Variants in MAML3 observed in about 807,000 individuals in gnomAD.
MAML3 encodes mastermind like transcriptional coactivator 3.
In MAML3, 27 loss-of-function variants were observed where a neutral mutation model predicts 101.9. The ratio of observed to expected loss-of-function variants is 0.27; its 90% confidence interval spans 0.20 to 0.37. The LOEUF is 0.37. Ranked by LOEUF, MAML3 falls within the 10% of genes least tolerant of loss-of-function variation. The probability of loss-of-function intolerance (pLI) is 1.00; values close to 1 mark genes in which losing one functional copy is unlikely to be tolerated. For synonymous variants in MAML3, 501 were observed against 555.9 expected (o/e 0.90, Z 1.39); for missense variants, 1,316 against 1,444.9 (o/e 0.91, Z 1.45).
rs553231876 is a variant in MAML3, at chr4:139,764,025, G to T, written c.2080-33358C>A. Among the ~76,000 whole-genome samples, 6 of 152,338 alleles carry T rather than the reference G, an allele frequency of 3.9e-5. No homozygotes were observed. In the East Asian group the frequency reaches 1.2e-3, roughly 29 times the overall value. On this transcript the variant is annotated intron_variant, in intron 2 of 4. Coordinates refer to ENST00000509479, the MANE Select transcript of MAML3 (RefSeq NM_018717.5). ...TAGGCTCTGAGATTCCAAAAAGTGT[G>T]TCAGAAGCTATGCCAAGTGAAAGTC...
intron 2 of MAML3, among the ~76,000 whole-genome samples, chr4:139,753,245 C>T (rs748756789): frequency 5.3e-5 from 8 of 152,080 alleles, no homozygotes; most frequent in African/African-American, 1.2e-4. Context: ...GTTGTGTGAT[C>T]GATACCATGA....
intron 1 of MAML3, among the ~76,000 whole-genome samples, chr4:139,917,645 T>C (rs1733050612): frequency 6.6e-6 from 1 of 152,144 alleles, no homozygotes; most frequent in African/African-American, 2.4e-5. Flanking sequence ...GGAGAAAGAA[T>C]TCAGCCTCTA....
chr4:139,834,632 C>A (rs1197522413), intron 2 of MAML3, among the ~76,000 whole-genome samples: 1 of 152,164 alleles, frequency 6.6e-6, no homozygotes, highest in Non-Finnish European at 1.5e-5. Context: ...CTGGAGAATA[C>A]CCTCCCTCAC....
At chr4:139,830,831 T>C (rs1309827141) in intron 2 of MAML3, among the ~76,000 whole-genome samples, 1 of 152,112 alleles carries the variant, frequency 6.6e-6, no homozygotes, top group Admixed American at 6.5e-5. Flanking sequence ...TCTTACAAAA[T>C]TGGGGAGTGA....
rs377095830 is a variant in MAML3 at position 139,870,918 on chromosome 4, A to G, written c.2079+18439T>C. On this transcript the variant is annotated intron_variant, in intron 2 of 4. Transcript: ENST00000509479. ...AATTCAGATAAGCAAAAAAAGAAAG[A>G]AAGGAAAAGAAGTATCAGTTGTGTT... is the stretch of plus-strand genomic sequence containing the variant. Among the ~76,000 whole-genome samples, 107 of 152,370 alleles carry G rather than the reference A, an allele frequency of 7.0e-4. 1 individual carries two copies. The Middle Eastern group carries it at 0.02, about 29-fold the overall frequency.
intron 1 of MAML3, among the ~76,000 whole-genome samples, chr4:140,073,664 A>G (rs1727703290): frequency 6.6e-6 from 1 of 152,178 alleles, no homozygotes; most frequent in Non-Finnish European, 1.5e-5. Flanking sequence ...TGAGTCAAGC[A>G]ACATTCACAG....
intron 1 of MAML3, among the ~76,000 whole-genome samples, chr4:139,966,688 G>C (rs753494093): frequency 1.3e-5 from 2 of 152,160 alleles, no homozygotes; most frequent in African/African-American, 2.4e-5. Flanking sequence ...CAGTTACAGA[G>C]CAAAATTGCT....
chr4:139,779,489 A>G (rs1282694112), intron 2 of MAML3, among the ~76,000 whole-genome samples: 2 of 152,186 alleles, frequency 1.3e-5, no homozygotes, highest in African/African-American at 2.4e-5. Context: ...TATAGCCCTG[A>G]TTTTTTACAT....
chr4:139,845,446 A>C (rs1731427008), intron 2 of MAML3, among the ~76,000 whole-genome samples: 1 of 152,236 alleles, frequency 6.6e-6, no homozygotes, highest in African/African-American at 2.4e-5. Flanking sequence ...AAATTAAATA[A>C]GTGCAAGGAA....
At chr4:139,930,773 C>A (rs1014760495) in intron 1 of MAML3, among the ~76,000 whole-genome samples, 1 of 152,140 alleles carries the variant, frequency 6.6e-6, no homozygotes, top group Non-Finnish European at 1.5e-5. Context: ...TGACACTAGA[C>A]ATCTGTACTT....
intron 2 of MAML3, among the ~76,000 whole-genome samples, chr4:139,769,022 G>T (rs1426937980): frequency 2.6e-5 from 4 of 152,218 alleles, no homozygotes; most frequent in Non-Finnish European, 5.9e-5. Flanking sequence ...GACTGTGACT[G>T]CTTTGGTAAC....
chr4:139,850,036 C>G (rs1339941634), intron 2 of MAML3, among the ~76,000 whole-genome samples: 1 of 152,028 alleles, frequency 6.6e-6, no homozygotes, highest in Non-Finnish European at 1.5e-5. Context: ...TATTGTCAAC[C>G]AACTTTTCAG....
chr4:140,080,535 AACAGTGAG>A (rs1466836887), intron 1 of MAML3, among the ~76,000 whole-genome samples: 1 of 152,212 alleles, frequency 6.6e-6, no homozygotes, highest in Non-Finnish European at 1.5e-5. Context: ...TTCTAAATGT[AACAGTGAG>A]AAATGGATTG....
chr4:139,810,661 A>T (rs556473817), intron 2 of MAML3, among the ~76,000 whole-genome samples: 8 of 152,292 alleles, frequency 5.3e-5, no homozygotes, highest in South Asian at 4.1e-4. Context: ...TATCTTCTAA[A>T]TATTTTCCCC....
intron 1 of MAML3, among the ~76,000 whole-genome samples, chr4:140,095,909 A>G (rs572002492): frequency 2.0e-5 from 3 of 152,214 alleles, no homozygotes; most frequent in Admixed American, 6.5e-5. Context: ...CTTCATACAC[A>G]TTTCTGTCAT....
Position 139,822,151 on chromosome 4 carries a change from C to T in MAML3, c.2079+67206G>A, listed in dbSNP as rs146802496. ...TCATCACAATCACCATCATCATCAC[C>T]ATCATGATCATCAGGATCAACATCA... On this transcript the variant is annotated intron_variant, in intron 2 of 4. Transcript: ENST00000509479. Among the ~76,000 whole-genome samples, 1,486 of 152,110 alleles carry T rather than the reference C, an allele frequency of 9.8e-3. 9 individuals are homozygous for T. The highest frequency in any genetic ancestry group is 0.02 in the African/African-American group (836 of 41,478).
At chr4:140,053,444 G>A (rs1474263517) in intron 1 of MAML3, among the ~76,000 whole-genome samples, 1 of 152,108 alleles carries the variant, frequency 6.6e-6, no homozygotes, top group Non-Finnish European at 1.5e-5. Context: ...ATTACTGCAG[G>A]GGCCACATTC....
At chr4:140,027,378 C>T (rs1726843223) in intron 1 of MAML3, among the ~76,000 whole-genome samples, 1 of 152,204 alleles carries the variant, frequency 6.6e-6, no homozygotes, top group African/African-American at 2.4e-5. Flanking sequence ...TCCCCTTCTC[C>T]CGTGGTATAC....
intron 2 of MAML3, among the ~76,000 whole-genome samples, chr4:139,784,559 T>C (rs1236557408): frequency 1.3e-5 from 2 of 152,214 alleles, no homozygotes; most frequent in African/African-American, 4.8e-5. Context: ...TGAGTGCTGA[T>C]GTTTTCTTGT....
Sources: gnomAD v4.1 joint callset for allele counts (sites outside exome capture counted in the v4.1 genomes callset) on GRCh38, gnomAD v4.1.1 for gene constraint, MANE v1.5 for transcripts, NCBI Gene and HGNC (gene_info 2026-07-23, HGNC 2026-07-21) for gene names.